The following PTPRN2 variants were observed in gnomAD, a reference collection of about 807,000 sequenced individuals.
The protein encoded by PTPRN2 is receptor-type tyrosine-protein phosphatase N2.
Under a neutral mutation model 118.8 loss-of-function variants are expected in PTPRN2, and 74 were observed. The ratio of observed to expected loss-of-function variants is 0.62; its 90% CI spans 0.52 to 0.76. The LOEUF (loss-of-function observed/expected upper bound fraction) is 0.76, where lower values mean the gene tolerates loss of function less well. Ranked by LOEUF, PTPRN2 falls within the 30% of genes least tolerant of loss-of-function variation. The pLI is 0.00. For missense variants in PTPRN2, 1,481 were observed against 1,394.4 expected (o/e 1.06, Z -0.99); for synonymous variants, 641 against 608.0 (o/e 1.05, Z -0.80).
chr7:157,711,550 C>G (rs1005569737), intron 12 of PTPRN2, among the ~76,000 whole-genome samples: 5 of 152,210 alleles, frequency 3.3e-5, no homozygotes, highest in Admixed American at 2.0e-4. Flanking sequence ...GACCTGAGGA[C>G]TCCGCCCACA....
chr7:157,914,823 C>T (rs1333750932), intron 11 of PTPRN2, among the ~76,000 whole-genome samples: 24 of 151,918 alleles, frequency 1.6e-4, no homozygotes, highest in Admixed American at 1.5e-3. Context: ...CTCTATGGCT[C>T]CTACCCTTAC....
At chr7:158,253,862 T>C (rs1385971177) in intron 3 of PTPRN2, among the ~76,000 whole-genome samples, 4 of 151,662 alleles carry the variant, frequency 2.6e-5, no homozygotes, top group African/African-American at 9.7e-5. Context: ...AGAGGAAGCA[T>C]CCCTGTAACT....
chr7:157,558,492 G>A (rs1043883270), intron 21 of PTPRN2, among the ~76,000 whole-genome samples: 1 of 152,258 alleles, frequency 6.6e-6, no homozygotes, highest in Non-Finnish European at 1.5e-5. Flanking sequence ...GAGGCCGTCT[G>A]CAGCTGAGTA....
Position 157,671,539 on chromosome 7 carries a change from G to A in PTPRN2, c.2001+11186C>T, listed in dbSNP as rs145849475. ...AAAGTGGGAGGGGGGGCGGTGCAAC[G>A]GAGGGAGCCGGGCAAACAAAGGCTC... On this transcript the variant is annotated intron_variant, in intron 13 of 22. Transcript: ENST00000389418. This position sits in a 1 kb window ranked among gnomAD's most constrained non-coding sequence, Gnocchi z 4.1. Among the ~76,000 whole-genome samples, 1 of 152,240 alleles carries A rather than the reference G, an allele frequency of 6.6e-6. No homozygotes were observed. Among genetic ancestry groups the A allele is most frequent in the South Asian group, 2.1e-4 (1 of 4,814 alleles).
At chr7:157,605,889 A>C (rs1479422382) in intron 15 of PTPRN2, among the ~76,000 whole-genome samples, 2 of 152,234 alleles carry the variant, frequency 1.3e-5, no homozygotes, top group Non-Finnish European at 2.9e-5. Flanking sequence ...CAGGACTTGC[A>C]GCCCAGCCCC....
intron 1 of PTPRN2, among the ~76,000 whole-genome samples, chr7:158,558,783 C>G (rs1176796267): frequency 7.1e-6 from 1 of 141,148 alleles, no homozygotes; most frequent in Non-Finnish European, 1.5e-5. Flanking sequence ...AAAAAAAAAG[C>G]AGTAATCTGG....
At chr7:157,795,323 G>T (rs1312430351) in intron 12 of PTPRN2, among the ~76,000 whole-genome samples, 1 of 152,236 alleles carries the variant, frequency 6.6e-6, no homozygotes, top group Non-Finnish European at 1.5e-5. Context: ...GCACCTGGGA[G>T]GCCCCCAGGA....
chr7:157,691,558 C>T (rs1797499416), intron 12 of PTPRN2, among the ~76,000 whole-genome samples: 2 of 152,196 alleles, frequency 1.3e-5, no homozygotes, highest in Non-Finnish European at 2.9e-5. Context: ...TCTTGCGAGA[C>T]GCGGAACTGG....
intron 11 of PTPRN2, among the ~76,000 whole-genome samples, chr7:158,071,696 T>TGGTGGAGGTGCTCGTG (rs1563392933): frequency 2.4e-5 from 1 of 40,972 alleles, no homozygotes. Context: ...TGGAGGTGCT[T>TGGTGGAGGTGCTCGTG]GTGGTGGAGG....
At chr7:158,337,604 C>CT (rs1805919711) in intron 2 of PTPRN2, among the ~76,000 whole-genome samples, 1 of 82,618 alleles carries the variant, frequency 1.2e-5, no homozygotes, top group African/African-American at 4.3e-5. Context: ...CACACCCACA[C>CT]TCTCACCATA....
intron 3 of PTPRN2, among the ~76,000 whole-genome samples, chr7:158,269,066 A>G (rs1266539861): frequency 6.6e-6 from 1 of 152,188 alleles, no homozygotes; most frequent in Non-Finnish European, 1.5e-5. Context: ...CTGCTGCCCA[A>G]CTTTGAACGG....
chr7:158,171,629 G>A (rs1823710903), intron 5 of PTPRN2, among the ~76,000 whole-genome samples: 1 of 152,040 alleles, frequency 6.6e-6, no homozygotes, highest in Admixed American at 6.6e-5. Flanking sequence ...GGGATTACAA[G>A]CGTGAGCCAC....
At chr7:158,366,974 C>T (rs1038496359) in intron 2 of PTPRN2, among the ~76,000 whole-genome samples, 1 of 152,184 alleles carries the variant, frequency 6.6e-6, no homozygotes, top group Non-Finnish European at 1.5e-5. Flanking sequence ...CAGTGCCGCT[C>T]CCGTGCACCC....
At chr7:158,080,232 C>T (rs532989515) in intron 11 of PTPRN2, among the ~76,000 whole-genome samples, 7 of 139,122 alleles carry the variant, frequency 5.0e-5, no homozygotes, top group South Asian at 4.5e-4. Flanking sequence ...CCTCAATCAA[C>T]GAGAACTAAG....
intron 9 of PTPRN2, among the ~76,000 whole-genome samples, chr7:158,132,253 C>T (rs933520773): frequency 2.7e-5 from 4 of 150,284 alleles, no homozygotes; most frequent in Non-Finnish European, 4.4e-5. Context: ...CACATCTACC[C>T]GACATACACA....
In PTPRN2 at chr7:157,560,411, C is replaced by T. The variant is rs532903101; in HGVS notation, c.2902+8491G>A. Among the ~76,000 whole-genome samples, 4 of 152,216 alleles carry T rather than the reference C, an allele frequency of 2.6e-5. No individual in the cohort carries two copies. The South Asian group carries it at 8.3e-4, about 32-fold the overall frequency. ...GTCTCATGCTGTCCACACGCTCCCA[C>T]CAGGCGATCGACACCAGGGTCCGCC... is the stretch of plus-strand genomic sequence containing the variant. On this transcript the variant is annotated intron_variant, in intron 21 of 22. Coordinates refer to ENST00000389418, the MANE Select transcript of PTPRN2 (RefSeq NM_002847.5). This position sits in a 1 kb window ranked among gnomAD's most constrained non-coding sequence, Gnocchi z 6.7.
At chr7:157,877,765 C>G (rs1795866532) in intron 12 of PTPRN2, among the ~76,000 whole-genome samples, 1 of 152,212 alleles carries the variant, frequency 6.6e-6, no homozygotes, top group South Asian at 2.1e-4. Flanking sequence ...CAGCTGGGAG[C>G]AGCAGGGACA....
intron 11 of PTPRN2, among the ~76,000 whole-genome samples, chr7:158,011,889 C>T (rs1165828783): frequency 6.6e-6 from 1 of 152,182 alleles, no homozygotes; most frequent in Non-Finnish European, 1.5e-5. Flanking sequence ...TTATTTTACA[C>T]TGAGGTGCTT....
intron 3 of PTPRN2, among the ~76,000 whole-genome samples, chr7:158,297,960 C>A (rs1487615803): frequency 6.6e-6 from 1 of 152,212 alleles, no homozygotes; most frequent in African/African-American, 2.4e-5. Context: ...CTTTTTGAGT[C>A]ACTTTTATCA....
Sources: gnomAD v4.1 joint callset for allele counts (sites outside exome capture counted in the v4.1 genomes callset) on GRCh38, gnomAD v4.1.1 for gene constraint, Gnocchi (gnomAD v3.1) non-coding constraint, MANE v1.5 for transcripts, NCBI Gene and HGNC (gene_info 2026-07-23, HGNC 2026-07-21) for gene names.